Variants in DAPK1 observed in about 807,000 individuals in gnomAD.
DAPK1 encodes the protein death-associated protein kinase 1.
A neutral mutation model predicts 144.9 loss-of-function variants in DAPK1; 56 were observed. The ratio of observed to expected loss-of-function variants is 0.39; its 90% confidence interval spans 0.31 to 0.48. DAPK1 has a LOEUF of 0.48. Among genes scored for constraint, DAPK1 ranks in the 20% least tolerant of loss-of-function variants. DAPK1 has a pLI of 0.95. For synonymous variants in DAPK1, 690 were observed against 749.0 expected (o/e 0.92, Z 1.29); for missense variants, 1,454 against 1,875.4 (o/e 0.78, Z 4.15).
intron 2 of DAPK1, among the ~76,000 whole-genome samples, chr9:87,548,466 C>T (rs190414483): frequency 1.3e-5 from 2 of 152,260 alleles, no homozygotes; most frequent in East Asian, 1.9e-4. Flanking sequence ...TGTTCTCTTG[C>T]AACATATAAG....
chr9:87,676,931 G>A (rs1490897149), intron 19 of DAPK1, among the ~76,000 whole-genome samples: 2 of 152,228 alleles, frequency 1.3e-5, no homozygotes, highest in African/African-American at 2.4e-5. Context: ...AGGAAGACCT[G>A]GTAGTGAGTT....
chr9:87,507,747 T>A (rs1156932508), intron 2 of DAPK1, among the ~76,000 whole-genome samples: 1 of 152,148 alleles, frequency 6.6e-6, no homozygotes, highest in Non-Finnish European at 1.5e-5. Context: ...TGTGAAAAGT[T>A]TATATTGATG....
chr9:87,662,570 T>TTTTTTGTTG (rs1554700264), intron 18 of DAPK1, among the ~76,000 whole-genome samples: 2 of 135,838 alleles, frequency 1.5e-5, no homozygotes, highest in East Asian at 2.3e-4. Context: ...GTTTTTTTTT[T>TTTTTTGTTG]TTTTTTTTTT....
In DAPK1 at chr9:87,658,118, G is replaced by A. The variant is rs757538892; in HGVS notation, c.1914G>A (p.Ala638=). 73 of 1,379,152 alleles carry A rather than the reference G, an allele frequency of 5.3e-5. No individual in the cohort carries two copies. Among genetic ancestry groups the A allele is most frequent in the Non-Finnish European group, 6.7e-5 (65 of 967,846 alleles). The allele number at this position is 1,379,152 out of a possible 1,614,324, so 85.4% of individuals were successfully genotyped here. A position where few individuals can be genotyped will look rare whatever the true frequency, so the allele number is the denominator to read the frequency against. Residue 638 remains alanine (A), a synonymous_variant, in exon 18 of 26, where the codon GCG becomes GCA. Transcript: ENST00000408954. ...YLCLMGASVE[A]LTTDGKTAED... is the part of the protein sequence containing the mutation. The stretch of plus-strand genomic sequence containing the variant: ...GTCTGATGGGAGCCAGCGTTGAGGC[G>A]CTGACCACGGTGAGTGCCCACAGGG...
intron 2 of DAPK1, among the ~76,000 whole-genome samples, chr9:87,547,255 A>AATG (rs763097285): frequency 8.5e-5 from 13 of 152,168 alleles, no homozygotes; most frequent in East Asian, 3.9e-4. Flanking sequence ...ATGTTGTATT[A>AATG]ATGATGATGA....
intron 2 of DAPK1, among the ~76,000 whole-genome samples, chr9:87,591,614 T>C (rs1398578917): frequency 6.6e-6 from 1 of 152,232 alleles, no homozygotes; most frequent in Non-Finnish European, 1.5e-5. Flanking sequence ...TGATTAAAAA[T>C]TTTTTTAAAA....
chr9:87,632,732 GTGAGTATATATGTAGGGAAGAAGGAGGA>G, intron 3 of DAPK1: 3 of 944,652 alleles, frequency 3.2e-6, no homozygotes, highest in South Asian at 5.0e-5. Context: ...ATGAAGGAGG[GTGAGTATATATGTAGGGAAGAAGGAGGA>G]TGAGTATATA....
intron 4 of DAPK1, 79 bp downstream of exon 4, chr9:87,638,160 G>T (rs1315918394): frequency 1.4e-6 from 2 of 1,408,334 alleles, no homozygotes; most frequent in Non-Finnish European, 1.9e-6. Flanking sequence ...AAAAATTGAG[G>T]CATCTGAAAG....
intron 19 of DAPK1, among the ~76,000 whole-genome samples, chr9:87,679,877 C>T (rs1824542145): frequency 6.6e-6 from 1 of 152,148 alleles, no homozygotes; most frequent in Non-Finnish European, 1.5e-5. Flanking sequence ...TGTCCCATTA[C>T]TGCCCTAAAG....
At chr9:87,617,280 T>C (rs1426339382) in intron 3 of DAPK1, among the ~76,000 whole-genome samples, 1 of 152,168 alleles carries the variant, frequency 6.6e-6, no homozygotes, top group Non-Finnish European at 1.5e-5. Flanking sequence ...CTTATTGGAA[T>C]GGGGAGGTAG....
At chr9:87,538,314 G>A (rs929044211) in intron 2 of DAPK1, among the ~76,000 whole-genome samples, 17 of 151,860 alleles carry the variant, frequency 1.1e-4, no homozygotes, top group Non-Finnish European at 2.9e-5. Flanking sequence ...GGGGAACTGG[G>A]AAGAAAAAAA....
rs368477899 is a variant in DAPK1, at chr9:87,703,118, G to A, written c.2961G>A (p.Ser987=). 30 of 1,603,826 alleles carry A rather than the reference G, an allele frequency of 1.9e-5. No homozygotes were observed. The highest frequency in any genetic ancestry group is 1.7e-4 in the Middle Eastern group (1 of 6,036). ...TCAATGGACCCAACCAGCTGATGTC[G>A]CTGCAGCAGTTTGTGTACGACGTGC... The part of the protein sequence containing the change: ...RKLNGPNQLM[S]LQQFVYDVQD... The change falls in exon 25 of 26, where the codon TCG becomes TCA. Residue 987 remains serine (S), a synonymous_variant. Coordinates refer to ENST00000408954, the MANE Select transcript of DAPK1 (RefSeq NM_004938.4).
intron 20 of DAPK1, among the ~76,000 whole-genome samples, chr9:87,683,664 TTCTCCTCAGTA>T (rs1824726194): frequency 1.3e-5 from 2 of 152,188 alleles, no homozygotes; most frequent in African/African-American, 4.8e-5. Context: ...ATGGCCTTGC[TTCTCCTCAGTA>T]TCTGTGTCTG....
intron 2 of DAPK1, among the ~76,000 whole-genome samples, chr9:87,540,936 G>A (rs939083440): frequency 6.6e-6 from 1 of 152,142 alleles, no homozygotes; most frequent in African/African-American, 2.4e-5. Context: ...CCACAGAAAT[G>A]TGTTCTGAGT....
At chr9:87,519,156 G>A (rs895436940) in intron 2 of DAPK1, among the ~76,000 whole-genome samples, 2 of 151,948 alleles carry the variant, frequency 1.3e-5, no homozygotes, top group African/African-American at 2.4e-5. Flanking sequence ...CCCGGCCGAT[G>A]CCCCTGGTCC....
chr9:87,688,848 G>A (rs1824957750), intron 21 of DAPK1, among the ~76,000 whole-genome samples: 1 of 151,912 alleles, frequency 6.6e-6, no homozygotes, highest in Non-Finnish European at 1.5e-5. Flanking sequence ...ATGCCTTTTT[G>A]GATGCATAGT....
chr9:87,634,881 A>G (rs1439298026), intron 3 of DAPK1, among the ~76,000 whole-genome samples: 1 of 152,124 alleles, frequency 6.6e-6, no homozygotes, highest in East Asian at 1.9e-4. Flanking sequence ...AACCTGCTGC[A>G]CACCCCTGCT....
At chr9:87,568,840 G>A (rs35765837) in intron 2 of DAPK1, among the ~76,000 whole-genome samples, 5 of 152,134 alleles carry the variant, frequency 3.3e-5, no homozygotes, top group Non-Finnish European at 5.9e-5. Context: ...TTTACTCCCT[G>A]GGTGGGAAAG....
At chr9:87,511,394 T>G (rs1267748730) in intron 2 of DAPK1, among the ~76,000 whole-genome samples, 1 of 152,184 alleles carries the variant, frequency 6.6e-6, no homozygotes, top group Non-Finnish European at 1.5e-5. Flanking sequence ...GGATACCCTT[T>G]TCAAAGTCCA....
Sources: allele counts gnomAD v4.1 joint callset (sites outside exome capture counted in the v4.1 genomes callset), GRCh38; gene constraint gnomAD v4.1.1; transcripts MANE v1.5; gene names NCBI Gene and HGNC (gene_info 2026-07-23, HGNC 2026-07-21).